PSPC1: variants seen among roughly 807,000 people sequenced by gnomAD.
PSPC1 encodes the protein paraspeckle protein 1.
A neutral mutation model predicts 51.6 loss-of-function variants in PSPC1; 14 were observed. The ratio of observed to expected loss-of-function variants is 0.27; its 90% confidence interval spans 0.18 to 0.42. The LOEUF is 0.42. Among genes scored for constraint, PSPC1 ranks in the 10% least tolerant of loss-of-function variants. The pLI, the probability that PSPC1 is intolerant of heterozygous loss-of-function variation, is 1.00. For missense variants in PSPC1, 406 were observed against 701.1 expected, an observed-to-expected ratio of 0.58 and a Z score of 4.75; for synonymous variants, 193 against 231.9, an observed-to-expected ratio of 0.83 and a Z score of 1.53.
chr13:19,728,439 A>AACACACACACACACACAC (rs56662113), intron 6 of PSPC1, among the ~76,000 whole-genome samples: 99 of 144,432 alleles, frequency 6.9e-4, no homozygotes, highest in Non-Finnish European at 9.0e-4. Context: ...TCAAAGCTTA[A>AACACACACACACACACAC]ACACACACAC....
downstream of PSPC1, chr13:19,672,780 C>A: frequency 4.4e-6 from 1 of 228,040 alleles, no homozygotes. Context: ...AACCAGTACA[C>A]TATGAGACCT....
intron 2 of PSPC1, among the ~76,000 whole-genome samples, chr13:19,765,902 T>G (rs1049778805): frequency 6.6e-6 from 1 of 152,202 alleles, no homozygotes; most frequent in African/African-American, 2.4e-5. Context: ...TATTATAATG[T>G]TTTTCTTAAA....
rs188335356 is a variant in PSPC1, at chr13:19,778,025, C to T, written c.372+4361G>A. Among the ~76,000 whole-genome samples, 492 of 152,190 alleles carry T rather than the reference C, an allele frequency of 3.2e-3. 3 individuals are homozygous for T. Among genetic ancestry groups the T allele is most frequent in the African/African-American group, 0.011 (471 of 41,538 alleles). Reference sequence around the variant, plus strand: ...TTGGGAGGCCAAGGCGGGCGGATCACGAGGTCAATAGGTCAAGACCATCCT... The same window carrying T: ...TTGGGAGGCCAAGGCGGGCGGATCATGAGGTCAATAGGTCAAGACCATCCT... On this transcript the variant is annotated intron_variant, in intron 1 of 8. Transcript: ENST00000338910.
downstream of PSPC1, chr13:19,671,918 CTA>C: frequency 6.3e-7 from 1 of 1,593,488 alleles, no homozygotes; most frequent in Non-Finnish European, 8.6e-7. Flanking sequence ...AGACCGATTC[CTA>C]TACTCTCTTT....
Position 19,772,247 on chromosome 13 carries a change from T to G in PSPC1, c.669A>C (p.Leu223=), listed in dbSNP as rs1030665647. 4.3e-6 allele frequency: 7 copies of G among 1,611,990 alleles called. No individual in the cohort carries two copies. In the Admixed American group the frequency reaches 5.0e-5, roughly 12 times the overall value. Reference sequence around the variant, plus strand: ...ACAAGATATTTAAAACTTACGTTGTTAGCAAGAATGCCCCATCACCACATC... The same window carrying G: ...ACAAGATATTTAAAACTTACGTTGTGAGCAAGAATGCCCCATCACCACATC... ...LERCGDGAFL[L]TTTPRPVIVE... Residue 223 remains leucine (L), a synonymous_variant, in exon 2 of 9, where the codon CTA becomes CTC. Transcript: ENST00000338910.
intron 7 of PSPC1, among the ~76,000 whole-genome samples, chr13:19,706,710 TATC>T (rs140336986): frequency 0.01 from 1,547 of 152,306 alleles, 27 homozygotes; most frequent in African/African-American, 0.035. Context: ...TGTTAGTACT[TATC>T]ATTAAAAATT....
At position 19,697,240 on chromosome 13, in the gene PSPC1, T is replaced by C. The variant is rs546279730; in HGVS notation, c.1159-19417A>G. Among the ~76,000 whole-genome samples, 136 of 152,330 alleles carry C rather than the reference T, an allele frequency of 8.9e-4. 1 individual carries two copies. Among genetic ancestry groups the C allele is most frequent in the African/African-American group, 3.2e-3 (131 of 41,574 alleles). ...ACGTTCTTTGGCTCCACCTGAGGCC[T>C]ACAGACCACTCTGGAATAAAGTCCA... is the stretch of plus-strand genomic sequence containing the variant. On this transcript the variant is annotated intron_variant and NMD_transcript_variant, in intron 6 of 7. Transcript: ENST00000471658.
At chr13:19,710,000 G>A (rs1188914130) in intron 6 of PSPC1, among the ~76,000 whole-genome samples, 2 of 152,310 alleles carry the variant, frequency 1.3e-5, no homozygotes, top group South Asian at 4.1e-4. Context: ...AGAAATGACT[G>A]TTACCAAGTT....
chr13:19,780,044 G>A (rs1319793865), intron 1 of PSPC1, among the ~76,000 whole-genome samples: 1 of 135,646 alleles, frequency 7.4e-6, no homozygotes, highest in African/African-American at 2.7e-5. Flanking sequence ...CAGCCGCCCC[G>A]TCCGGGAGGT....
intron 4 of PSPC1, among the ~76,000 whole-genome samples, chr13:19,742,276 A>AAC (rs71306167): frequency 6.9e-6 from 1 of 144,208 alleles, no homozygotes; most frequent in Non-Finnish European, 1.5e-5. Context: ...AAAAAAAAAA[A>AAC]CAAACAAATA....
chr13:19,721,245 C>A (rs944646700), intron 6 of PSPC1, among the ~76,000 whole-genome samples: 3 of 150,064 alleles, frequency 2.0e-5, no homozygotes, highest in Non-Finnish European at 3.0e-5. Flanking sequence ...ATTTTTATGC[C>A]TTCTGAGGAT....
At chr13:19,729,889 T>C (rs757288559) in intron 6 of PSPC1, among the ~76,000 whole-genome samples, 18 of 152,206 alleles carry the variant, frequency 1.2e-4, no homozygotes, top group Non-Finnish European at 2.5e-4. Context: ...TCTGTACATG[T>C]CTGAAATCTT....
intron 5 of PSPC1, among the ~76,000 whole-genome samples, chr13:19,733,434 T>G (rs2137958163): frequency 6.6e-6 from 1 of 152,180 alleles, no homozygotes. Flanking sequence ...GGAGGATCAC[T>G]TGAGTGACAG....
intron 5 of PSPC1, among the ~76,000 whole-genome samples, chr13:19,733,294 G>C (rs907634341): frequency 6.6e-6 from 1 of 152,066 alleles, no homozygotes; most frequent in Admixed American, 6.6e-5. Flanking sequence ...TCAGGAAAAA[G>C]GGCAAGTAAA....
intron 3 of PSPC1, among the ~76,000 whole-genome samples, chr13:19,754,580 C>T (rs1342082278): frequency 5.3e-5 from 8 of 150,826 alleles, no homozygotes; most frequent in African/African-American, 2.0e-4. Context: ...GCTGGGATTA[C>T]AGGTGCACGC....
At chr13:19,761,964 A>G (rs1376352221) in intron 2 of PSPC1, among the ~76,000 whole-genome samples, 4 of 152,334 alleles carry the variant, frequency 2.6e-5, no homozygotes, top group Admixed American at 2.0e-4. Flanking sequence ...TAAGCAGATG[A>G]TATGTCATTC....
At chr13:19,752,386 T>A (rs928554099) in intron 3 of PSPC1, among the ~76,000 whole-genome samples, 2 of 152,230 alleles carry the variant, frequency 1.3e-5, no homozygotes, top group African/African-American at 4.8e-5. Context: ...TAAAGGGCTA[T>A]GAATATATTT....
At chr13:19,780,213 A>G (rs1294436886) in intron 1 of PSPC1, among the ~76,000 whole-genome samples, 36 of 114,916 alleles carry the variant, frequency 3.1e-4, no homozygotes, top group Middle Eastern at 4.6e-3. Context: ...CCGCCCGGCC[A>G]GCCACCCCGT....
rs752755076 is a variant in PSPC1, at chr13:19,782,427, C to A, written c.331G>T (p.Val111Phe). 1 of 1,607,078 alleles carries A rather than the reference C, an allele frequency of 6.2e-7. No individual in the cohort carries two copies. Among genetic ancestry groups the A allele is most frequent in the Non-Finnish European group, 8.5e-7 (1 of 1,176,544 alleles). Residue 111 changes from valine (V) to phenylalanine (F), a missense_variant, in exon 1 of 9, where the codon GTC becomes TTC. Physicochemically the swap from Val to Phe is conservative, Grantham distance 50. This residue lies in a region of PSPC1 where 180 missense variants were observed against 337.9 expected (regional missense o/e 0.53). Transcript: ENST00000338910. This position sits in a 1 kb window ranked among gnomAD's most constrained non-coding sequence, Gnocchi z 4.5. ...AAGCCACGGTCCCGGTTGATGAAGA[C>A]TTCGCTGGGCTCGCCATAGCGTTCG... Reference protein sequence around the residue: ...LFERYGEPSEVFINRDRGFGF... With the variant: ...LFERYGEPSEFFINRDRGFGF...
Sources: gnomAD v4.1 joint callset for allele counts (sites outside exome capture counted in the v4.1 genomes callset) on GRCh38, gnomAD v4.1.1 for gene constraint, gnomAD v4.1.1 regional missense constraint, Gnocchi (gnomAD v3.1) non-coding constraint, MANE v1.5 for transcripts, NCBI Gene and HGNC (gene_info 2026-07-23, HGNC 2026-07-21) for gene names.